The following HADH variants were observed in gnomAD, a reference collection of about 807,000 sequenced individuals.
HADH encodes hydroxyacyl-CoA dehydrogenase, also known as hydroxyacyl-coenzyme A dehydrogenase, mitochondrial.
In HADH, 24 loss-of-function variants were observed where a neutral mutation model predicts 32.2. That is an observed-to-expected ratio of 0.75 (90% confidence interval 0.54 to 1.05). The LOEUF is 1.05. HADH is among the 50% of genes least tolerant of loss of function. The probability of loss-of-function intolerance (pLI) is 0.00; values close to 1 mark genes in which losing one functional copy is unlikely to be tolerated. For synonymous variants in HADH, 139 were observed against 152.5 expected (o/e 0.91, Z 0.65); for missense variants, 350 against 397.1 (o/e 0.88, Z 1.01).
intron 3 of HADH, among the ~76,000 whole-genome samples, chr4:108,015,331 A>G (rs554923604): frequency 1.3e-5 from 2 of 152,322 alleles, no homozygotes; most frequent in South Asian, 2.1e-4. Flanking sequence ...TCTGACTGGT[A>G]TCAGGTGCTA....
chr4:108,013,949 A>C (rs906214066), intron 2 of HADH, among the ~76,000 whole-genome samples: 1 of 152,064 alleles, frequency 6.6e-6, no homozygotes, highest in Non-Finnish European at 1.5e-5. Context: ...CTGTGGACAA[A>C]TTACACTATG....
intron 1 of HADH, among the ~76,000 whole-genome samples, chr4:108,002,869 G>T (rs986557147): frequency 1.3e-5 from 2 of 152,194 alleles, no homozygotes; most frequent in African/African-American, 4.8e-5. Context: ...TCAGGAGAAA[G>T]TAGAAGCACC....
At chr4:108,011,377 A>G (rs1735489523) in intron 2 of HADH, among the ~76,000 whole-genome samples, 1 of 152,184 alleles carries the variant, frequency 6.6e-6, no homozygotes, top group African/African-American at 2.4e-5. Context: ...AAGGCGAAGG[A>G]AGAACAAAGT....
At chr4:108,032,106 A>G (rs548653049) in intron 6 of HADH, 2 of 389,050 alleles carry the variant, frequency 5.1e-6, no homozygotes, top group African/African-American at 4.6e-5. Context: ...TTTCTCTCTG[A>G]GTGTCTTAAC....
intron 1 of HADH, among the ~76,000 whole-genome samples, chr4:108,001,034 A>G (rs545945153): frequency 6.6e-6 from 1 of 152,348 alleles, no homozygotes; most frequent in African/African-American, 2.4e-5. Flanking sequence ...AAGTAGTACA[A>G]TAAGAGCAGT....
chr4:108,014,820 A>G (rs1031636159), intron 3 of HADH, among the ~76,000 whole-genome samples: 3 of 152,054 alleles, frequency 2.0e-5, no homozygotes, highest in African/African-American at 7.2e-5. Context: ...TGAACTCTCC[A>G]GTGTCTGTTA....
chr4:108,034,087 C>T (rs1736372010), intron 7 of HADH, 152 bp from the exon 8 acceptor site: 2 of 730,988 alleles, frequency 2.7e-6, no homozygotes, highest in Admixed American at 1.8e-5. Flanking sequence ...GCACAGCCTT[C>T]CTTGGTGCCT....
At chr4:108,004,199 G>A (rs977890637) in intron 1 of HADH, among the ~76,000 whole-genome samples, 4 of 152,248 alleles carry the variant, frequency 2.6e-5, no homozygotes, top group African/African-American at 9.6e-5. Flanking sequence ...GCTCTCTTGA[G>A]AGTAGGGGAT....
intron 1 of HADH, chr4:108,004,841 A>G (rs1735241008): frequency 3.3e-6 from 5 of 1,535,698 alleles, no homozygotes; most frequent in Non-Finnish European, 4.4e-6. Flanking sequence ...AAGGAACATG[A>G]CCCTGCGGAG....
chr4:108,004,626 C>G, intron 1 of HADH: 1 of 1,498,236 alleles, frequency 6.7e-7, no homozygotes, highest in Non-Finnish European at 8.9e-7. Flanking sequence ...GGAGGAGTAA[C>G]TGGAAGCCAT....
intron 1 of HADH, among the ~76,000 whole-genome samples, chr4:108,002,632 T>A (rs1735154762): frequency 6.6e-6 from 1 of 152,170 alleles, no homozygotes. Context: ...TTCCGTGAAA[T>A]TGTCTCCCAT....
At chr4:108,017,543 A>T (rs1222044207) in intron 3 of HADH, among the ~76,000 whole-genome samples, 1 of 151,920 alleles carries the variant, frequency 6.6e-6, no homozygotes, top group African/African-American at 2.4e-5. Context: ...GTTTCCAGGA[A>T]CATGTAAGAG....
Position 108,016,617 on chromosome 4 carries a change from G to C in HADH, c.419+2029G>C, listed in dbSNP as rs371248099. Among the ~76,000 whole-genome samples the C allele has an allele frequency of 1.4e-4, 22 of 152,302 alleles. No homozygotes were observed. The East Asian group carries it at 1.9e-3, about 13-fold the overall frequency. On this transcript the variant is annotated intron_variant, in intron 3 of 7. Coordinates refer to ENST00000309522, the MANE Select transcript of HADH (RefSeq NM_005327.7). ...TTTATTGAAAAGATTGGTCGCTCTT[G>C]GTGACAGTGAAAGGCCTGACTGCCC...
intron 1 of HADH, chr4:108,004,721 G>A: frequency 2.8e-5 from 43 of 1,532,424 alleles, no homozygotes; most frequent in Non-Finnish European, 3.8e-5. Flanking sequence ...GGAATGAAGA[G>A]AGAAGTTAGA....
intron 6 of HADH, chr4:108,028,042 A>G (rs1736123750): frequency 1.9e-6 from 1 of 517,154 alleles, no homozygotes; most frequent in African/African-American, 1.9e-5. Context: ...CCAGATTGAT[A>G]TCCTGGATCT....
chr4:107,992,037 A>G (rs1029945715), intron 1 of HADH, among the ~76,000 whole-genome samples: 4 of 152,228 alleles, frequency 2.6e-5, no homozygotes, highest in Non-Finnish European at 5.9e-5. Context: ...TGTTGCATTA[A>G]AAGGCAGAGG....
chr4:108,004,419 A>G (rs1437575655), intron 1 of HADH: 1 of 331,630 alleles, frequency 3.0e-6, no homozygotes, highest in African/African-American at 2.2e-5. Flanking sequence ...AAAAGGAAGC[A>G]TTTTCTAACC....
chr4:108,010,732 C>T (rs1308751944), intron 2 of HADH, among the ~76,000 whole-genome samples: 12 of 152,090 alleles, frequency 7.9e-5, no homozygotes, highest in Non-Finnish European at 1.5e-4. Flanking sequence ...ATTACACTCG[C>T]ACATTCATAC....
chr4:107,989,910 G>C lies in HADH; in HGVS notation c.-23G>C. 6.2e-7 allele frequency: 1 copy of C among 1,608,492 alleles called. No individual in the cohort carries two copies. Among genetic ancestry groups the C allele is most frequent in the Non-Finnish European group, 8.5e-7 (1 of 1,178,388 alleles). Reference sequence around the variant, plus strand: ...GCGTCTTCCCTGCCCGGGTCTCCTCGCTGTCGCCGCCGCTGCCACACCATG... The same window carrying C: ...GCGTCTTCCCTGCCCGGGTCTCCTCCCTGTCGCCGCCGCTGCCACACCATG... On this transcript the variant is annotated 5_prime_UTR_variant, in exon 1 of 8. Transcript: ENST00000309522.
Sources: gnomAD v4.1 joint callset for allele counts (sites outside exome capture counted in the v4.1 genomes callset) on GRCh38, gnomAD v4.1.1 for gene constraint, MANE v1.5 for transcripts, NCBI Gene and HGNC (gene_info 2026-07-23, HGNC 2026-07-21) for gene names.